RBMS1: variants seen among roughly 807,000 people sequenced by gnomAD.
RBMS1 encodes the protein RNA binding motif single stranded interacting protein 1, also known as RNA-binding motif, single-stranded-interacting protein 1.
A neutral mutation model predicts 62.3 loss-of-function variants in RBMS1; 17 were observed. That is an observed-to-expected ratio of 0.27 (90% CI 0.19 to 0.41). The LOEUF is 0.41. RBMS1 is among the 10% of genes least tolerant of loss of function. The pLI is 1.00. For synonymous variants in RBMS1, 172 were observed against 170.0 expected (o/e 1.01, Z -0.09); for missense variants, 334 against 504.5 (o/e 0.66, Z 3.24).
chr2:160,449,368 G>A (rs998062758), intron 1 of RBMS1, among the ~76,000 whole-genome samples: 4 of 152,260 alleles, frequency 2.6e-5, no homozygotes, highest in African/African-American at 4.8e-5. Flanking sequence ...TGACGATGGC[G>A]TTTTTGTCGA....
chr2:160,285,118 G>GCACACCACCACACC, intron 7 of RBMS1, 74 bp from the exon 8 acceptor site: 5 of 1,439,280 alleles, frequency 3.5e-6, no homozygotes, highest in Non-Finnish European at 4.9e-6. Context: ...TTAGCCAGGT[G>GCACACCACCACACC]TGGTGGTGTG....
chr2:160,476,692 C>T (rs1460149616), intron 1 of RBMS1, among the ~76,000 whole-genome samples: 3 of 150,166 alleles, frequency 2.0e-5, no homozygotes, highest in Non-Finnish European at 3.0e-5. Flanking sequence ...GTAGCTGGGA[C>T]TACAGGCGCC....
intron 6 of RBMS1, among the ~76,000 whole-genome samples, chr2:160,299,247 A>T (rs1413937766): frequency 1.3e-5 from 2 of 152,236 alleles, no homozygotes; most frequent in African/African-American, 2.4e-5. Flanking sequence ...TGCTGTAAGG[A>T]ACCAGAGTGC....
chr2:160,408,233 C>A (rs1695876105), intron 1 of RBMS1, among the ~76,000 whole-genome samples: 1 of 151,976 alleles, frequency 6.6e-6, no homozygotes, highest in South Asian at 2.1e-4. Context: ...GCTCGAAGCC[C>A]CTTTTAAGGT....
At chr2:160,465,307 C>T (rs1353632617) in intron 1 of RBMS1, among the ~76,000 whole-genome samples, 1 of 152,090 alleles carries the variant, frequency 6.6e-6, no homozygotes, top group Non-Finnish European at 1.5e-5. Context: ...AAGGTAGCCA[C>T]CAATAGTCTT....
Position 160,282,174 on chromosome 2 carries a change from T to C in RBMS1, c.901-810A>G, listed in dbSNP as rs1688133843. ...TTCTTAACAACAAAACCCTCCTGCA[T>C]TTTATCCCCTATTGTTAACTTCAGA... On this transcript the variant is annotated intron_variant, in intron 9 of 13. Transcript: ENST00000348849. 3 of 1,218,748 alleles carry C rather than the reference T, an allele frequency of 2.5e-6. No homozygotes were observed. In the South Asian group the frequency reaches 3.5e-5, roughly 14 times the overall value. The allele number at this position is 1,218,748 out of a possible 1,614,324, so 75.5% of individuals were successfully genotyped here.
At chr2:160,309,886 T>C (rs1404152997) in intron 4 of RBMS1, among the ~76,000 whole-genome samples, 1 of 152,178 alleles carries the variant, frequency 6.6e-6, no homozygotes, top group Non-Finnish European at 1.5e-5. Flanking sequence ...CACTATAAGC[T>C]TGCTACTTGG....
chr2:160,427,074 A>G (rs77010612), intron 1 of RBMS1, among the ~76,000 whole-genome samples: 2,279 of 152,302 alleles, frequency 0.015, 74 homozygotes, highest in African/African-American at 0.052. Flanking sequence ...TTGATAGCCT[A>G]TGACTGAAAA....
chr2:160,318,229 TAAAAAAAA>T lies in RBMS1; in HGVS notation c.252-10_252-3del, dbSNP rs5835799. The T allele has an allele frequency of 6.0e-5, 70 of 1,164,668 alleles. No individual in the cohort carries two copies. The African/African-American group carries it at 1.3e-3, about 22-fold the overall frequency. 72.1% of individuals were successfully genotyped at this position (1,164,668 alleles called of 1,614,324 possible). Reference sequence around the variant, plus strand: ...TTTGTGGAGACTATTTTCCCATATCTAAAAAAAAAAAAAAAAAAAAAAAGGAAAAAAAG... The same window carrying T: ...TTTGTGGAGACTATTTTCCCATATCTAAAAAAAAAAAAAAAGGAAAAAAAG... On this transcript the variant is annotated splice_polypyrimidine_tract_variant and splice_region_variant and intron_variant, in intron 2 of 13. Coordinates refer to ENST00000348849, the MANE Select transcript of RBMS1 (RefSeq NM_016836.4).
intron 4 of RBMS1, among the ~76,000 whole-genome samples, chr2:160,305,839 C>A (rs1689474156): frequency 6.6e-6 from 1 of 152,040 alleles, no homozygotes; most frequent in Non-Finnish European, 1.5e-5. Context: ...ACAGAAGAAA[C>A]ACATATCAAA....
chr2:160,368,862 A>G (rs1396663945), intron 1 of RBMS1, among the ~76,000 whole-genome samples: 1 of 151,584 alleles, frequency 6.6e-6, no homozygotes, highest in Non-Finnish European at 1.5e-5. Context: ...CTGGTCTTGA[A>G]CTCCAGACCT....
chr2:160,398,918 T>C (rs766614507), intron 1 of RBMS1, among the ~76,000 whole-genome samples: 4 of 152,156 alleles, frequency 2.6e-5, no homozygotes, highest in Non-Finnish European at 4.4e-5. Context: ...TTTAATACAT[T>C]CACACTGCCA....
Position 160,450,564 on chromosome 2 carries a change from G to GAAAAAAAAA in RBMS1, c.75+42716_75+42724dup, listed in dbSNP as rs1181640365. 3.0e-4 allele frequency among the ~76,000 whole-genome samples: 17 copies of GAAAAAAAAA among 56,548 alleles called. 1 individual carries two copies. The highest frequency in any genetic ancestry group is 8.4e-4 in the East Asian group (1 of 1,186). The allele number at this position is 56,548 out of a possible 152,430, so 37.1% of individuals were successfully genotyped here. The stretch of plus-strand genomic sequence containing the variant: ...TCAAAAAAAATAAAAAATAAAAAAT[G>GAAAAAAAAA]AAAAAAAAAAAAAAACAAAAAACAT... On this transcript the variant is annotated intron_variant, in intron 1 of 13. Transcript: ENST00000348849.
intron 1 of RBMS1, among the ~76,000 whole-genome samples, chr2:160,421,139 T>C (rs1225241254): frequency 6.6e-6 from 1 of 151,738 alleles, no homozygotes; most frequent in African/African-American, 2.4e-5. Flanking sequence ...AACTTATTCT[T>C]TTTTCTTTTT....
intron 1 of RBMS1, among the ~76,000 whole-genome samples, chr2:160,415,120 C>A (rs4664324): frequency 1 from 151,654 of 152,024 alleles, 75,643 homozygotes; most frequent in Non-Finnish European, 1. Flanking sequence ...TCTGATTGTG[C>A]AAATCTAGTA....
At chr2:160,395,384 G>C (rs1006754691) in intron 1 of RBMS1, among the ~76,000 whole-genome samples, 8 of 152,148 alleles carry the variant, frequency 5.3e-5, no homozygotes, top group Non-Finnish European at 1.0e-4. Flanking sequence ...CAGCACTTTG[G>C]GAGGCCGAGG....
chr2:160,368,940 C>G (rs1693572927), intron 1 of RBMS1, among the ~76,000 whole-genome samples: 1 of 152,094 alleles, frequency 6.6e-6, no homozygotes, highest in Non-Finnish European at 1.5e-5. Flanking sequence ...GTGCCTGGCC[C>G]CATTAATTTA....
intron 1 of RBMS1, among the ~76,000 whole-genome samples, chr2:160,369,478 G>A (rs1026541153): frequency 1.3e-5 from 2 of 152,214 alleles, no homozygotes; most frequent in Non-Finnish European, 2.9e-5. Context: ...CCTGCCTCCT[G>A]TCCCAAGCCT....
intron 1 of RBMS1, among the ~76,000 whole-genome samples, chr2:160,446,329 G>T (rs912824502): frequency 1.3e-5 from 2 of 152,118 alleles, no homozygotes; most frequent in Non-Finnish European, 2.9e-5. Context: ...TCTTCTCCAG[G>T]ATTGGCCGAT....
Sources: gnomAD v4.1 joint callset for allele counts (sites outside exome capture counted in the v4.1 genomes callset) on GRCh38, gnomAD v4.1.1 for gene constraint, MANE v1.5 for transcripts, NCBI Gene and HGNC (gene_info 2026-07-23, HGNC 2026-07-21) for gene names.